Variants in AHCTF1 observed in about 807,000 individuals in gnomAD.
The protein encoded by AHCTF1 is AT-hook containing transcription factor 1.
Under a neutral mutation model 248.4 loss-of-function variants are expected in AHCTF1, and 24 were observed. The ratio of observed to expected loss-of-function variants is 0.10; its 90% confidence interval spans 0.07 to 0.14. The LOEUF (loss-of-function observed/expected upper bound fraction) is 0.14. AHCTF1 is among the 10% of genes least tolerant of loss of function. The pLI is 1.00. For synonymous variants in AHCTF1, 786 were observed against 929.8 expected (o/e 0.85, Z 2.81); for missense variants, 2,206 against 2,636.2 (o/e 0.84, Z 3.57).
At chr1:246,928,086 G>A (rs560164791) in intron 1 of AHCTF1, among the ~76,000 whole-genome samples, 41 of 152,110 alleles carry the variant, frequency 2.7e-4, no homozygotes, top group South Asian at 1.0e-3. Flanking sequence ...TGGATCACGA[G>A]GTCAGGAGAT....
chr1:246,869,491 A>G (rs1306250465), intron 24 of AHCTF1, among the ~76,000 whole-genome samples: 1 of 152,226 alleles, frequency 6.6e-6, no homozygotes, highest in Non-Finnish European at 1.5e-5. Context: ...GGAGAAGTCA[A>G]TGCCTGGCTT....
At chr1:246,927,143 A>G (rs530026674) in intron 1 of AHCTF1, among the ~76,000 whole-genome samples, 25 of 151,310 alleles carry the variant, frequency 1.7e-4, no homozygotes, top group Non-Finnish European at 2.8e-4. Flanking sequence ...GTGCCACTGC[A>G]CTCCAGCCTG....
intron 33 of AHCTF1, among the ~76,000 whole-genome samples, chr1:246,845,175 T>C (rs766639136): frequency 9.2e-5 from 14 of 152,264 alleles, no homozygotes; most frequent in Non-Finnish European, 1.8e-4. Flanking sequence ...TATCAAATTC[T>C]GCTTTTCGAG....
intron 17 of AHCTF1, among the ~76,000 whole-genome samples, chr1:246,888,841 T>A (rs776100035): frequency 3.3e-5 from 5 of 151,962 alleles, no homozygotes; most frequent in Non-Finnish European, 5.9e-5. Context: ...GCCCAGGAGT[T>A]TAAAGTGAGC....
chr1:246,902,514 C>T lies in AHCTF1; in HGVS notation c.1117+11G>A. On this transcript the variant is annotated intron_variant, in intron 8 of 35. Transcript: ENST00000648844. ...GCCTTCACATGACATATTTCAAGTA[C>T]TTTAACTAACCTTCATTCACGCCTT... The T allele has an allele frequency of 6.2e-7, 1 of 1,604,700 alleles. No individual in the cohort carries two copies.
rs1660854093 is a variant in AHCTF1, at chr1:246,853,292, A to G, written c.4362T>C (p.Ala1454=). The G allele has an allele frequency of 6.2e-7, 1 of 1,605,452 alleles. No homozygotes were observed. The highest frequency in any genetic ancestry group is 1.3e-5 in the African/African-American group (1 of 74,586). The change falls in exon 32 of 36, where the codon GCT becomes GCC. Residue 1454 remains alanine (A), a synonymous_variant. Transcript: ENST00000648844. ...AIRANDNKSM[A]DVLGDGGNSS... The stretch of plus-strand genomic sequence containing the variant: ...AGTTTCCACCATCACCAAGGACATC[A>G]GCCATAGCTGAAAGAAAAATGAGTG...
At chr1:246,907,879 T>A in intron 4 of AHCTF1, 121 bp from the exon 5 acceptor site, 1 of 833,056 alleles carries the variant, frequency 1.2e-6, no homozygotes, top group Non-Finnish European at 1.8e-6. Context: ...TAATTGAAAT[T>A]AAAAGATTAG....
At chr1:246,878,699 C>G (rs572086643) in intron 21 of AHCTF1, among the ~76,000 whole-genome samples, 1 of 152,156 alleles carries the variant, frequency 6.6e-6, no homozygotes, top group Non-Finnish European at 1.5e-5. Flanking sequence ...CTGCCCTATA[C>G]GTTCTGTGAA....
chr1:246,849,210 A>C (rs1369200311), intron 33 of AHCTF1, among the ~76,000 whole-genome samples: 1 of 152,194 alleles, frequency 6.6e-6, no homozygotes, highest in African/African-American at 2.4e-5. Context: ...GTATCTTAGT[A>C]AAAAGCTACT....
intron 4 of AHCTF1, among the ~76,000 whole-genome samples, chr1:246,908,615 C>T (rs900901686): frequency 1.3e-5 from 2 of 151,382 alleles, no homozygotes; most frequent in African/African-American, 2.4e-5. Context: ...AGGCCGGGCA[C>T]GGTGGCTCAC....
At chr1:246,880,942 A>G (rs891254499) in intron 21 of AHCTF1, among the ~76,000 whole-genome samples, 2 of 152,254 alleles carry the variant, frequency 1.3e-5, no homozygotes, top group African/African-American at 2.4e-5. Context: ...AAGTCATTTT[A>G]ATAAGGAATG....
chr1:246,922,419 C>T (rs186065934), intron 1 of AHCTF1, among the ~76,000 whole-genome samples: 54 of 150,326 alleles, frequency 3.6e-4, no homozygotes, highest in East Asian at 3.9e-4. Context: ...TATTCTGTTG[C>T]GGTTTTTTGG....
In AHCTF1 at chr1:246,869,123, G is replaced by A. The variant is rs139003299; in HGVS notation, c.3089-1312C>T. Among the ~76,000 whole-genome samples the A allele has an allele frequency of 3.2e-3, 484 of 152,078 alleles. 4 individuals carry two copies. The highest frequency in any genetic ancestry group is 0.01 in the African/African-American group (419 of 41,462). On this transcript the variant is annotated intron_variant, in intron 24 of 35. Coordinates refer to ENST00000648844, the MANE Select transcript of AHCTF1 (RefSeq NM_001323342.2). ...CCTCCCAAAGTGCTGGATTACAGGC[G>A]TGAGCCACCACGCCCGGCCGTGTGT... is the stretch of plus-strand genomic sequence containing the variant.
At chr1:246,922,189 A>G (rs578150552) in intron 1 of AHCTF1, among the ~76,000 whole-genome samples, 1 of 152,248 alleles carries the variant, frequency 6.6e-6, no homozygotes, top group East Asian at 1.9e-4. Flanking sequence ...GTGAAACCCC[A>G]TCTCTACTAA....
chr1:246,859,716 C>A lies in AHCTF1; in HGVS notation c.4132+1183G>T, dbSNP rs545037170. ...TCAGTGTCCTGAGTAGCTAGGAATA[C>A]AAGTGCATGCTATCGTGCCCAGCTA... is the stretch of plus-strand genomic sequence containing the variant. On this transcript the variant is annotated intron_variant, in intron 29 of 35. Transcript: ENST00000648844. 9.2e-5 allele frequency among the ~76,000 whole-genome samples: 14 copies of A among 152,236 alleles called. No homozygotes were observed. The East Asian group carries it at 1.2e-3, about 13-fold the overall frequency.
intron 29 of AHCTF1, 97 bp downstream of exon 29, chr1:246,860,802 T>C: frequency 6.7e-7 from 1 of 1,482,318 alleles, no homozygotes; most frequent in Non-Finnish European, 9.1e-7. Context: ...CCACAGTACC[T>C]GGCTAGGATG....
At position 246,855,841 on chromosome 1, in the gene AHCTF1, A is replaced by C. The variant is rs1428289985; in HGVS notation, c.4257-14T>G. 1 of 1,594,114 alleles carries C rather than the reference A, an allele frequency of 6.3e-7. No individual in the cohort carries two copies. The highest frequency in any genetic ancestry group is 8.6e-7 in the Non-Finnish European group (1 of 1,162,970). On this transcript the variant is annotated splice_polypyrimidine_tract_variant and intron_variant, in intron 30 of 35. Transcript: ENST00000648844. ...GTGAAGATTTTCCTTTAGAAAAAGA[A>C]ATACATACCTTAGTGTGTAAGAAGA...
chr1:246,847,754 G>A lies in AHCTF1; in HGVS notation c.6391+1861C>T, dbSNP rs548072731. Among the ~76,000 whole-genome samples the A allele has an allele frequency of 3.0e-4, 45 of 152,162 alleles. No homozygotes were observed. The South Asian group carries it at 9.1e-3, about 31-fold the overall frequency. On this transcript the variant is annotated intron_variant, in intron 33 of 35. Transcript: ENST00000648844. ...AACAGAAAAAAGTTAAAATTAGTAG[G>A]TACAGAAATGAAAAATAGGTAAAGA... is the stretch of plus-strand genomic sequence containing the variant.
chr1:246,897,374 T>C (rs1024387588), intron 12 of AHCTF1, among the ~76,000 whole-genome samples: 5 of 152,194 alleles, frequency 3.3e-5, no homozygotes, highest in African/African-American at 1.2e-4. Context: ...TGCTGATGGT[T>C]GCACACCTTG....
Sources: allele counts gnomAD v4.1 joint callset (sites outside exome capture counted in the v4.1 genomes callset), GRCh38; gene constraint gnomAD v4.1.1; transcripts MANE v1.5; gene names NCBI Gene and HGNC (gene_info 2026-07-23, HGNC 2026-07-21).